The following XRCC4 variants were observed in gnomAD, a reference collection of about 807,000 sequenced individuals.
XRCC4 encodes X-ray repair cross complementing 4.
XRCC4 carries 28 observed loss-of-function variants against 39.1 expected under a neutral mutation model. That is an observed-to-expected ratio of 0.72 (90% CI 0.53 to 0.98). The LOEUF is 0.98. Among genes scored for constraint, XRCC4 ranks in the 50% least tolerant of loss-of-function variants. The pLI is 0.00. For missense variants in XRCC4, 350 were observed against 376.4 expected, an observed-to-expected ratio of 0.93 and a Z score of 0.58; for synonymous variants, 123 against 126.4, an observed-to-expected ratio of 0.97 and a Z score of 0.18.
At chr5:83,212,609 C>T (rs1751691239) in intron 6 of XRCC4, among the ~76,000 whole-genome samples, 1 of 152,080 alleles carries the variant, frequency 6.6e-6, no homozygotes, top group Admixed American at 6.6e-5. Context: ...ATCCAAGCAA[C>T]TCAGTAAACT....
chr5:83,322,455 C>T (rs1473160568), intron 7 of XRCC4, among the ~76,000 whole-genome samples: 1 of 152,106 alleles, frequency 6.6e-6, no homozygotes, highest in Non-Finnish European at 1.5e-5. Context: ...AGATAACTTT[C>T]CCTCACTGGG....
downstream of XRCC4, chr5:83,356,830 G>C: frequency 2.7e-6 from 1 of 369,000 alleles, no homozygotes; most frequent in Non-Finnish European, 5.4e-6. Context: ...CTAAGATAAG[G>C]AGATTACATT....
At chr5:83,253,468 A>G (rs1753405384) in intron 6 of XRCC4, among the ~76,000 whole-genome samples, 2 of 151,270 alleles carry the variant, frequency 1.3e-5, no homozygotes, top group South Asian at 4.2e-4. Context: ...ACTGTGAATA[A>G]CATGCTTCAC....
At chr5:83,344,277 C>T (rs1396671520) in intron 7 of XRCC4, among the ~76,000 whole-genome samples, 1 of 151,794 alleles carries the variant, frequency 6.6e-6, no homozygotes, top group East Asian at 1.9e-4. Flanking sequence ...CACTCTGTCA[C>T]CCAGGCTGGA....
At chr5:83,087,188 A>G (rs752237917) in intron 1 of XRCC4, among the ~76,000 whole-genome samples, 15 of 151,908 alleles carry the variant, frequency 9.9e-5, no homozygotes, top group Non-Finnish European at 1.8e-4. Context: ...GTGGTGGTGC[A>G]TGCCTGTAAT....
At chr5:83,269,582 A>C (rs765970933) in intron 7 of XRCC4, among the ~76,000 whole-genome samples, 3 of 151,858 alleles carry the variant, frequency 2.0e-5, no homozygotes, top group Non-Finnish European at 4.4e-5. Context: ...ATAGAGTTCA[A>C]AAAATAACCT....
intron 7 of XRCC4, among the ~76,000 whole-genome samples, chr5:83,268,625 A>G (rs1364205046): frequency 6.6e-6 from 1 of 152,140 alleles, no homozygotes; most frequent in Admixed American, 6.6e-5. Context: ...ACCACAGGAA[A>G]TATTTCCTCT....
At chr5:83,162,056 A>G (rs1749239829) in intron 3 of XRCC4, among the ~76,000 whole-genome samples, 1 of 152,052 alleles carries the variant, frequency 6.6e-6, no homozygotes, top group Non-Finnish European at 1.5e-5. Context: ...AGTCCCAGCT[A>G]CTCGGGAGGC....
intron 7 of XRCC4, among the ~76,000 whole-genome samples, chr5:83,302,324 GC>G (rs1256577754): frequency 6.6e-6 from 1 of 152,132 alleles, no homozygotes; most frequent in African/African-American, 2.4e-5. Context: ...CAAACCCAGG[GC>G]CATGGTGGTG....
At chr5:83,094,114 G>A (rs1745558185) in intron 1 of XRCC4, among the ~76,000 whole-genome samples, 1 of 151,914 alleles carries the variant, frequency 6.6e-6, no homozygotes, top group Non-Finnish European at 1.5e-5. Flanking sequence ...AATTTGGTTG[G>A]AGATCTCCTT....
chr5:83,169,303 C>T (rs933486283), intron 3 of XRCC4, among the ~76,000 whole-genome samples: 9 of 152,000 alleles, frequency 5.9e-5, no homozygotes, highest in African/African-American at 1.7e-4. Context: ...AAAGGAAGTA[C>T]TCTTGTTCTA....
intron 6 of XRCC4, among the ~76,000 whole-genome samples, chr5:83,217,325 C>G (rs1751898696): frequency 7.4e-6 from 1 of 134,734 alleles, no homozygotes; most frequent in Non-Finnish European, 1.5e-5. Flanking sequence ...CCACTGCACT[C>G]TAGCCGGGGC....
intron 6 of XRCC4, among the ~76,000 whole-genome samples, chr5:83,213,209 T>C (rs538717985): frequency 9.3e-4 from 142 of 152,192 alleles, no homozygotes; most frequent in Non-Finnish European, 1.7e-3. Context: ...ACAGATTCAT[T>C]GGTAACAGAC....
chr5:83,086,937 T>G (rs565627544), intron 1 of XRCC4, among the ~76,000 whole-genome samples: 1 of 152,340 alleles, frequency 6.6e-6, no homozygotes, highest in Admixed American at 6.5e-5. Flanking sequence ...TTCTTGAATG[T>G]TCTAATTTGG....
chr5:83,266,628 A>C (rs1345481764), intron 7 of XRCC4, among the ~76,000 whole-genome samples: 1 of 152,080 alleles, frequency 6.6e-6, no homozygotes. Flanking sequence ...AACATGCTTT[A>C]TTTAAACATC....
intron 7 of XRCC4, among the ~76,000 whole-genome samples, chr5:83,311,540 GGAAAT>G (rs1755709759): frequency 6.6e-6 from 1 of 151,938 alleles, no homozygotes; most frequent in Non-Finnish European, 1.5e-5. Flanking sequence ...TTTGGCCACA[GGAAAT>G]GAAATATTTT....
Position 83,300,546 on chromosome 5 carries a change from T to TTGTGTGTGTGTGTGTGTG in XRCC4, c.893+41883_893+41900dup, listed in dbSNP as rs70973389. Among the ~76,000 whole-genome samples the TTGTGTGTGTGTGTGTGTG allele has an allele frequency of 6.3e-5, 8 of 126,988 alleles. No individual in the cohort carries two copies. In the East Asian group the frequency reaches 1.4e-3, roughly 23 times the overall value. The allele number at this position is 126,988 out of a possible 152,430, so 83.3% of individuals were successfully genotyped here. On this transcript the variant is annotated intron_variant, in intron 7 of 7. Coordinates refer to ENST00000396027, the MANE Select transcript of XRCC4 (RefSeq NM_003401.5). ...ATGACACACTAATTTTATCTTTTGT[T>TTGTGTGTGTGTGTGTGTG]TGTGTGTGTGTGTGTGTGTGTGTGT...
the XRCC4 span, among the ~76,000 whole-genome samples, chr5:83,370,725 C>A: frequency 6.6e-6 from 1 of 152,116 alleles, no homozygotes; most frequent in Admixed American, 6.6e-5. Flanking sequence ...TAAGCATTGA[C>A]CCCAATTCCA....
At chr5:83,223,303 AG>A (rs1245818547) in intron 6 of XRCC4, among the ~76,000 whole-genome samples, 19 of 152,212 alleles carry the variant, frequency 1.2e-4, no homozygotes, top group African/African-American at 4.1e-4. Context: ...TATCCTTTTC[AG>A]GATACAGTTC....
Sources: gnomAD v4.1 joint callset for allele counts (sites outside exome capture counted in the v4.1 genomes callset) on GRCh38, gnomAD v4.1.1 for gene constraint, MANE v1.5 for transcripts, NCBI Gene and HGNC (gene_info 2026-07-23, HGNC 2026-07-21) for gene names.